The following ADGRL3 variants were observed in gnomAD, a reference collection of about 807,000 sequenced individuals.
The protein encoded by ADGRL3 is adhesion G protein-coupled receptor L3.
A neutral mutation model predicts 153.5 loss-of-function variants in ADGRL3; 62 were observed. The observed-to-expected ratio is 0.40, with a 90% CI of 0.33 to 0.50. The LOEUF is 0.50. Ranked by LOEUF, ADGRL3 falls within the 20% of genes least tolerant of loss-of-function variation. The probability of loss-of-function intolerance (pLI) is 0.47; values close to 1 mark genes in which losing one functional copy is unlikely to be tolerated. For synonymous variants in ADGRL3, 710 were observed against 672.5 expected (o/e 1.06, Z -0.86); for missense variants, 1,641 against 1,859.4 (o/e 0.88, Z 2.16).
At chr4:61,612,194 C>G (rs1030225397) in intron 5 of ADGRL3, among the ~76,000 whole-genome samples, 4 of 152,146 alleles carry the variant, frequency 2.6e-5, no homozygotes, top group Non-Finnish European at 4.4e-5. Context: ...ATGATGAATG[C>G]TTCAGAAATG....
intron 17 of ADGRL3, among the ~76,000 whole-genome samples, chr4:61,949,715 A>C (rs1239054331): frequency 6.6e-6 from 1 of 152,122 alleles, no homozygotes; most frequent in African/African-American, 2.4e-5. Flanking sequence ...AAAAATCTTA[A>C]AATATAACTT....
At chr4:61,552,867 G>A (rs957728002) in intron 4 of ADGRL3, among the ~76,000 whole-genome samples, 3 of 152,058 alleles carry the variant, frequency 2.0e-5, no homozygotes, top group Non-Finnish European at 1.5e-5. Context: ...TTGTTGTCTT[G>A]TGTCTTCTTC....
chr4:61,754,167 A>G (rs2096791639), intron 8 of ADGRL3, among the ~76,000 whole-genome samples: 1 of 152,228 alleles, frequency 6.6e-6, no homozygotes, highest in African/African-American at 2.4e-5. Context: ...ATCTGATTCT[A>G]TACATATTAT....
intron 13 of ADGRL3, among the ~76,000 whole-genome samples, chr4:61,925,413 A>G (rs2098790210): frequency 6.6e-6 from 1 of 152,128 alleles, no homozygotes; most frequent in Non-Finnish European, 1.5e-5. Flanking sequence ...ACTTAAATTT[A>G]TGATGCGTGC....
At chr4:61,772,936 C>A (rs994675336) in intron 8 of ADGRL3, among the ~76,000 whole-genome samples, 3 of 152,036 alleles carry the variant, frequency 2.0e-5, no homozygotes, top group Non-Finnish European at 4.4e-5. Flanking sequence ...GTTTAAAATA[C>A]CCTGTTTAAA....
chr4:61,589,236 T>A (rs952152482), intron 5 of ADGRL3, among the ~76,000 whole-genome samples: 1 of 152,112 alleles, frequency 6.6e-6, no homozygotes, highest in Non-Finnish European at 1.5e-5. Flanking sequence ...GAAATAACTT[T>A]GGTTAATTCT....
At chr4:61,642,032 G>A (rs982777226) in intron 5 of ADGRL3, among the ~76,000 whole-genome samples, 27 of 150,644 alleles carry the variant, frequency 1.8e-4, no homozygotes, top group African/African-American at 6.6e-4. Flanking sequence ...TTTCTCTGAT[G>A]GCCAGTGATG....
chr4:61,398,108 A>G (rs1201893729), intron 2 of ADGRL3, among the ~76,000 whole-genome samples: 1 of 151,954 alleles, frequency 6.6e-6, no homozygotes, highest in Non-Finnish European at 1.5e-5. Flanking sequence ...GAACAAAATC[A>G]TTGAACAATG....
chr4:61,883,612 G>C (rs927625472), intron 9 of ADGRL3, among the ~76,000 whole-genome samples: 9 of 152,260 alleles, frequency 5.9e-5, no homozygotes, highest in African/African-American at 1.9e-4. Flanking sequence ...AAATGATGGA[G>C]TGTTTATTTC....
intron 1 of ADGRL3, among the ~76,000 whole-genome samples, chr4:61,235,961 CATTT>C (rs1560374960): frequency 6.7e-6 from 1 of 148,174 alleles, no homozygotes; most frequent in Non-Finnish European, 1.5e-5. Flanking sequence ...CATGAGAGAG[CATTT>C]ATTTCCTATA....
chr4:61,688,915 G>C (rs1224641080), intron 6 of ADGRL3, among the ~76,000 whole-genome samples: 3 of 152,048 alleles, frequency 2.0e-5, no homozygotes, highest in African/African-American at 7.2e-5. Flanking sequence ...TTTAACCCCA[G>C]GTGATAGCTA....
rs1000620829 is a variant in ADGRL3 at position 61,684,918 on chromosome 4, C to CT, written c.583+7995dup. On this transcript the variant is annotated intron_variant, in intron 6 of 26. Transcript: ENST00000683033. ...TTAAAAGCACTCTTAATTGTTAGCA[C>CT]TTTTTTTTTTTTGAAACAGGATCTT... 6.2e-3 allele frequency among the ~76,000 whole-genome samples: 911 copies of CT among 146,048 alleles called. 4 individuals carry two copies. Among genetic ancestry groups the CT allele is most frequent in the African/African-American group, 0.019 (771 of 40,072 alleles).
chr4:61,669,985 C>T, intron 5 of ADGRL3, among the ~76,000 whole-genome samples: 1 of 152,148 alleles, frequency 6.6e-6, no homozygotes, highest in East Asian at 1.9e-4. Context: ...AGTATGTAAA[C>T]ACTACAATAT....
At chr4:61,780,870 T>C (rs904928810) in intron 8 of ADGRL3, among the ~76,000 whole-genome samples, 3 of 152,226 alleles carry the variant, frequency 2.0e-5, no homozygotes, top group Admixed American at 6.5e-5. Flanking sequence ...CCTGTTGCTC[T>C]TACTTTTCTC....
Position 61,983,401 on chromosome 4 carries a change from G to A in ADGRL3, c.3034G>A (p.Ala1012Thr), listed in dbSNP as rs2099075266. 4 of 1,613,514 alleles carry A rather than the reference G, an allele frequency of 2.5e-6. No individual in the cohort carries two copies. The highest frequency in any genetic ancestry group is 3.4e-6 in the Non-Finnish European group (4 of 1,179,702). Residue 1012 changes from alanine to threonine, a missense_variant, in exon 19 of 27, where the codon GCT (alanine) becomes ACT (threonine). Ala to Thr is a moderately conservative substitution (Grantham distance 58, BLOSUM62 0). Around this residue, in one of 5 missense-constraint regions of ADGRL3, gnomAD observed 734 missense variants for 797.0 expected, o/e 0.92. Transcript: ENST00000683033. ...TTCCTAGATTGCCTGTGCTGTTTTCGCTGCCCTGTTACATTTCTTCTTCTT... is the reference window on the plus strand; with the variant it reads ...TTCCTAGATTGCCTGTGCTGTTTTCACTGCCCTGTTACATTTCTTCTTCTT... Reference protein sequence around the residue: ...TDQPIACAVFAALLHFFFLAA... With the variant: ...TDQPIACAVFTALLHFFFLAA...
intron 1 of ADGRL3, among the ~76,000 whole-genome samples, chr4:61,216,065 T>G (rs1742637583): frequency 6.6e-6 from 1 of 152,108 alleles, no homozygotes; most frequent in African/African-American, 2.4e-5. Context: ...TGCTTGCAAG[T>G]TGAGCTTTTC....
chr4:61,475,522 G>T (rs1269740347), intron 2 of ADGRL3, among the ~76,000 whole-genome samples: 1 of 152,030 alleles, frequency 6.6e-6, no homozygotes, highest in African/African-American at 2.4e-5. Context: ...TATTAAAGGT[G>T]GATTTAGGAA....
At chr4:61,576,777 G>A (rs757563279) in intron 4 of ADGRL3, among the ~76,000 whole-genome samples, 40 of 151,494 alleles carry the variant, frequency 2.6e-4, no homozygotes, top group Non-Finnish European at 5.0e-4. Flanking sequence ...CATGCACTCC[G>A]AAACTTTAGT....
At chr4:61,500,029 CAGAG>C (rs10673228) in intron 3 of ADGRL3, among the ~76,000 whole-genome samples, 6,317 of 140,492 alleles carry the variant, frequency 0.045, 155 homozygotes, top group Middle Eastern at 0.061. Flanking sequence ...CACACAGAAA[CAGAG>C]AGAGAGAGAG....
Sources: allele counts gnomAD v4.1 joint callset (sites outside exome capture counted in the v4.1 genomes callset), GRCh38; gene constraint gnomAD v4.1.1; regional missense constraint gnomAD v4.1.1; transcripts MANE v1.5; gene names NCBI Gene and HGNC (gene_info 2026-07-23, HGNC 2026-07-21).